TNS1: variants seen among roughly 807,000 people sequenced by gnomAD.
The protein encoded by TNS1 is tensin-1.
In TNS1, 62 loss-of-function variants were observed where a neutral mutation model predicts 168.6. The ratio of observed to expected loss-of-function variants is 0.37; its 90% CI spans 0.30 to 0.45. The LOEUF is 0.45. Among genes scored for constraint, TNS1 ranks in the 20% least tolerant of loss-of-function variants. The pLI, the probability that TNS1 is intolerant of heterozygous loss-of-function variation, is 1.00. For missense variants in TNS1, 2,240 were observed against 2,339.4 expected (o/e 0.96, Z 0.88); for synonymous variants, 934 against 933.2 (o/e 1.00, Z -0.02).
At chr2:217,889,714 AG>A (rs1329329868) in intron 12 of TNS1, among the ~76,000 whole-genome samples, 122 of 152,356 alleles carry the variant, frequency 8.0e-4, no homozygotes, top group African/African-American at 2.9e-3. Flanking sequence ...AACATCCACT[AG>A]AAGCTGAGCT....
chr2:217,830,414 C>T (rs1328336383), intron 22 of TNS1: 2 of 1,612,792 alleles, frequency 1.2e-6, no homozygotes, highest in Non-Finnish European at 1.7e-6. Context: ...TAAAGTTGAC[C>T]CCAATAGCCC....
rs1035210039 is a variant in TNS1 at position 217,840,060 on chromosome 2, C to T, written c.3008-3849G>A. On this transcript the variant is annotated intron_variant, in intron 19 of 32. Coordinates refer to ENST00000682258, the MANE Select transcript of TNS1 (RefSeq NM_001387777.1). ...AGAGGAAGAAGAAAGGAGGGAGGGG[C>T]GGTTGAAGGGAGCAGTCTGCTAGAG... Among the ~76,000 whole-genome samples the T allele has an allele frequency of 3.9e-5, 6 of 152,322 alleles. No individual in the cohort carries two copies. The South Asian group carries it at 8.3e-4, about 21-fold the overall frequency.
chr2:217,939,044 CAATAATAAT>C (rs760522098), intron 3 of TNS1, among the ~76,000 whole-genome samples: 2 of 151,630 alleles, frequency 1.3e-5, no homozygotes, highest in Middle Eastern at 3.2e-3. Context: ...CCACCACCAC[CAATAATAAT>C]AATAATAATA....
At chr2:217,916,460 C>T (rs1026790567) in intron 4 of TNS1, among the ~76,000 whole-genome samples, 5 of 152,192 alleles carry the variant, frequency 3.3e-5, no homozygotes, top group Admixed American at 2.6e-4. Context: ...ACCTTGGTGG[C>T]CAACCCATTT....
intron 23 of TNS1, among the ~76,000 whole-genome samples, 180 bp downstream of exon 23, chr2:217,821,558 ATT>A (rs1430796451): frequency 2.0e-5 from 3 of 152,154 alleles, no homozygotes; most frequent in Non-Finnish European, 2.9e-5. Flanking sequence ...TCCCCACAGG[ATT>A]CAGCGCGCAG....
At chr2:218,009,423 C>T (rs1350211575) in intron 1 of TNS1, among the ~76,000 whole-genome samples, 1 of 152,042 alleles carries the variant, frequency 6.6e-6, no homozygotes, top group African/African-American at 2.4e-5. Context: ...AAGGCAACAT[C>T]AAGCATCCTC....
chr2:218,011,083 C>G (rs1005499802), upstream of TNS1, among the ~76,000 whole-genome samples: 10 of 152,194 alleles, frequency 6.6e-5, no homozygotes, highest in Admixed American at 5.2e-4. Flanking sequence ...GACCAGCACT[C>G]TAGGGCTGGA....
intron 21 of TNS1, among the ~76,000 whole-genome samples, chr2:217,833,818 T>C (rs895415449): frequency 1.3e-5 from 2 of 152,270 alleles, no homozygotes; most frequent in Non-Finnish European, 2.9e-5. Flanking sequence ...CCGTTCTTTT[T>C]TACATTGATT....
intron 1 of TNS1, among the ~76,000 whole-genome samples, chr2:218,016,658 G>T (rs1371587033): frequency 2.0e-5 from 3 of 152,234 alleles, no homozygotes; most frequent in African/African-American, 7.2e-5. Flanking sequence ...CACACAGACA[G>T]ATCCCAGGTG....
intron 18 of TNS1, 77 bp from the exon 19 acceptor site, chr2:217,849,164 A>G: frequency 1.3e-6 from 2 of 1,510,240 alleles, no homozygotes; most frequent in East Asian, 2.3e-5. Flanking sequence ...CCACTCTGCC[A>G]GAGAAAGAAG....
chr2:217,913,995 C>T (rs1461602995), intron 4 of TNS1, among the ~76,000 whole-genome samples: 1 of 152,134 alleles, frequency 6.6e-6, no homozygotes, highest in Non-Finnish European at 1.5e-5. Context: ...ATTGCCTGGC[C>T]CTCTTTCAGA....
intron 24 of TNS1, among the ~76,000 whole-genome samples, chr2:217,817,380 C>G (rs1246366843): frequency 6.6e-6 from 1 of 152,182 alleles, no homozygotes. Flanking sequence ...GCCTGGCACA[C>G]AGCATGTGCT....
intron 3 of TNS1, among the ~76,000 whole-genome samples, chr2:217,959,630 A>G (rs968180092): frequency 2.6e-5 from 4 of 152,210 alleles, no homozygotes; most frequent in Non-Finnish European, 4.4e-5. Flanking sequence ...CTGGTGCCTT[A>G]GCATGAAGAC....
intron 3 of TNS1, among the ~76,000 whole-genome samples, chr2:217,970,995 A>G (rs977310265): frequency 1.3e-5 from 2 of 152,204 alleles, no homozygotes; most frequent in Non-Finnish European, 2.9e-5. Context: ...CCAAGAAGAC[A>G]GAGCTTGGTC....
chr2:217,980,649 C>T (rs182865465), intron 2 of TNS1, among the ~76,000 whole-genome samples: 7 of 152,104 alleles, frequency 4.6e-5, no homozygotes, highest in Admixed American at 6.5e-5. Flanking sequence ...CATGTCCCCC[C>T]GACTCTCAGA....
At chr2:217,806,218 G>A (rs533242735) in intron 32 of TNS1, among the ~76,000 whole-genome samples, 6 of 152,340 alleles carry the variant, frequency 3.9e-5, no homozygotes, top group South Asian at 2.1e-4. Context: ...CCAGGCTCCC[G>A]CAATAGCCCA....
intron 10 of TNS1, 89 bp downstream of exon 10, chr2:217,893,350 T>C: frequency 6.8e-7 from 1 of 1,471,582 alleles, no homozygotes; most frequent in South Asian, 1.4e-5. Context: ...GTACACACAA[T>C]CATCCAAGGA....
At chr2:217,828,950 C>A (rs1309918381) in intron 22 of TNS1, among the ~76,000 whole-genome samples, 1 of 152,150 alleles carries the variant, frequency 6.6e-6, no homozygotes, top group Non-Finnish European at 1.5e-5. Context: ...AGAATTATCC[C>A]CCCAGGGGAC....
At chr2:217,946,240 G>T (rs1191499231) in intron 3 of TNS1, among the ~76,000 whole-genome samples, 3 of 152,192 alleles carry the variant, frequency 2.0e-5, no homozygotes, top group Non-Finnish European at 4.4e-5. Flanking sequence ...CACTTGGTGG[G>T]CACTGTCCCC....
Sources: gnomAD v4.1 joint callset for allele counts (sites outside exome capture counted in the v4.1 genomes callset) on GRCh38, gnomAD v4.1.1 for gene constraint, MANE v1.5 for transcripts, NCBI Gene and HGNC (gene_info 2026-07-23, HGNC 2026-07-21) for gene names.